The following ACTA2 variants were observed in gnomAD, a reference collection of about 807,000 sequenced individuals.
The protein encoded by ACTA2 is actin alpha 2, smooth muscle, also known as actin, aortic smooth muscle.
A neutral mutation model predicts 39.5 loss-of-function variants in ACTA2; 12 were observed. The observed-to-expected ratio is 0.30, with a 90% confidence interval of 0.19 to 0.49. The LOEUF (loss-of-function observed/expected upper bound fraction) is 0.49. Among genes scored for constraint, ACTA2 ranks in the 20% least tolerant of loss-of-function variants. ACTA2 has a pLI of 0.99. For synonymous variants in ACTA2, 158 were observed against 180.6 expected (o/e 0.88, Z 1.00); for missense variants, 236 against 498.8 (o/e 0.47, Z 5.02).
At chr10:88,984,724 C>T (rs1247165329) in intron 1 of ACTA2, among the ~76,000 whole-genome samples, 1 of 151,564 alleles carries the variant, frequency 6.6e-6, no homozygotes, top group African/African-American at 2.4e-5. Flanking sequence ...ATGGCCAAGT[C>T]ATATAGGAAG....
intron 1 of ACTA2, among the ~76,000 whole-genome samples, chr10:88,987,001 A>G (rs1846915097): frequency 6.6e-6 from 1 of 152,220 alleles, no homozygotes. Context: ...GACAATGTCT[A>G]TATGATTAGA....
intron 1 of ACTA2, among the ~76,000 whole-genome samples, chr10:88,952,093 C>T (rs548733365): frequency 7.9e-5 from 12 of 152,312 alleles, no homozygotes; most frequent in East Asian, 3.9e-4. Context: ...TCACCTGCTG[C>T]GCTCTGCTGC....
chr10:88,949,060 C>T (rs1220207169), intron 1 of ACTA2, 107 bp from the exon 2 acceptor site: 11 of 1,010,384 alleles, frequency 1.1e-5, no homozygotes, highest in Non-Finnish European at 3.0e-6. Context: ...CCTCTGTGTC[C>T]TAGTGCTATC....
At chr10:88,938,334 C>T (rs1315509928) in intron 7 of ACTA2, 92 bp from the exon 8 acceptor site, 3 of 1,392,036 alleles carry the variant, frequency 2.2e-6, no homozygotes, top group Non-Finnish European at 3.1e-6. Context: ...GATGATCTTG[C>T]AGTGGACTGA....
chr10:88,947,109 G>T, intron 3 of ACTA2, 149 bp downstream of exon 3: 3 of 1,136,342 alleles, frequency 2.6e-6, no homozygotes, highest in Admixed American at 2.4e-5. Context: ...TTTTTTCAAT[G>T]GGTAATAACC....
chr10:88,953,917 T>C (rs181364566), upstream of ACTA2, among the ~76,000 whole-genome samples: 1 of 152,288 alleles, frequency 6.6e-6, no homozygotes, highest in East Asian at 1.9e-4. Context: ...GTGAGTAAAT[T>C]AAACCTCTTT....
At chr10:88,952,376 A>C (rs956621137) in intron 1 of ACTA2, among the ~76,000 whole-genome samples, 1 of 152,242 alleles carries the variant, frequency 6.6e-6, no homozygotes, top group African/African-American at 2.4e-5. Flanking sequence ...CTGAGTTTCC[A>C]GTGCCTAAAT....
upstream of ACTA2, among the ~76,000 whole-genome samples, chr10:88,955,520 C>T (rs114518171): frequency 5.8e-3 from 884 of 152,314 alleles, 2 homozygotes; most frequent in African/African-American, 0.02. Flanking sequence ...ATGGAGTCTA[C>T]GCTGGCACAA....
intron 1 of ACTA2, among the ~76,000 whole-genome samples, chr10:88,976,869 C>G (rs1289372144): frequency 6.6e-6 from 1 of 152,116 alleles, no homozygotes; most frequent in Non-Finnish European, 1.5e-5. Context: ...ATTATTAGAG[C>G]TTCTTAGAGG....
chr10:88,947,454 C>G (rs1282375918), intron 2 of ACTA2, 68 bp from the exon 3 acceptor site: 1 of 1,605,232 alleles, frequency 6.2e-7, no homozygotes, highest in African/African-American at 1.3e-5. Flanking sequence ...AGCCAAGCCA[C>G]AAAAGGTTAA....
chr10:88,986,902 A>G (rs1846909659), intron 1 of ACTA2, among the ~76,000 whole-genome samples: 2 of 151,722 alleles, frequency 1.3e-5, no homozygotes, highest in Non-Finnish European at 3.0e-5. Flanking sequence ...GCAATGTAAA[A>G]GTAAAAATTA....
chr10:88,946,693 G>A (rs1845954265), intron 3 of ACTA2: 1 of 151,758 alleles, frequency 6.6e-6, no homozygotes, highest in South Asian at 2.1e-4. Flanking sequence ...TGCCTGGCAA[G>A]GGATTTTTTT....
intron 4 of ACTA2, chr10:88,943,551 T>G: frequency 3.7e-6 from 2 of 539,720 alleles, no homozygotes; most frequent in South Asian, 3.7e-5. Flanking sequence ...AACTTAAACG[T>G]GGCCCCTTCT....
At position 88,941,888 on chromosome 10, in the gene ACTA2, A is replaced by G. The variant is rs714887; in HGVS notation, c.370-19T>C. 139,907 of 1,601,224 alleles carry G rather than the reference A, an allele frequency of 0.087. 8,887 individuals carry two copies. Among genetic ancestry groups the G allele is most frequent in the South Asian group, 0.27 (24,337 of 89,368 alleles). ...ACATAATCTGCAAAGCAATCCAAAG[A>G]GCTGAGTTAGTGAAGGTGCCCATCT... On this transcript the variant is annotated intron_variant, in intron 4 of 8. Coordinates refer to ENST00000224784, the MANE Select transcript of ACTA2 (RefSeq NM_001613.4).
At chr10:88,973,357 G>C in intron 1 of ACTA2, 1 of 1,476,078 alleles carries the variant, frequency 6.8e-7, no homozygotes, top group Non-Finnish European at 9.0e-7. Context: ...GGTAATCCAA[G>C]AATTGCCAGG....
intron 1 of ACTA2, among the ~76,000 whole-genome samples, chr10:88,970,497 C>A (rs1846413882): frequency 6.6e-6 from 1 of 152,136 alleles, no homozygotes; most frequent in Admixed American, 6.6e-5. Context: ...CTGGTTCTAG[C>A]TACTCACAAC....
At chr10:88,963,628 T>A (rs1846272934) in intron 1 of ACTA2, among the ~76,000 whole-genome samples, 1 of 152,186 alleles carries the variant, frequency 6.6e-6, no homozygotes, top group African/African-American at 2.4e-5. Flanking sequence ...ATCACTGTAG[T>A]GTTGGCACGT....
chr10:88,942,742 CA>C (rs1362231179), intron 4 of ACTA2, among the ~76,000 whole-genome samples: 1 of 148,282 alleles, frequency 6.7e-6, no homozygotes, highest in Non-Finnish European at 1.5e-5. Flanking sequence ...AATTTCCAAC[CA>C]TTTTTTTTTT....
At chr10:88,976,266 T>C (rs771204563) in intron 1 of ACTA2, among the ~76,000 whole-genome samples, 1 of 152,222 alleles carries the variant, frequency 6.6e-6, no homozygotes, top group Non-Finnish European at 1.5e-5. Context: ...CGTGTTGGGC[T>C]GCATTCAAAG....
Sources: allele counts gnomAD v4.1 joint callset (sites outside exome capture counted in the v4.1 genomes callset), GRCh38; gene constraint gnomAD v4.1.1; transcripts MANE v1.5; gene names NCBI Gene and HGNC (gene_info 2026-07-23, HGNC 2026-07-21).